The following SH3GLB1 variants were observed in gnomAD, a reference collection of about 807,000 sequenced individuals.
The protein encoded by SH3GLB1 is endophilin-B1.
In SH3GLB1, 17 loss-of-function variants were observed where a neutral mutation model predicts 42.0. The ratio of observed to expected loss-of-function variants is 0.40; its 90% CI spans 0.28 to 0.61. SH3GLB1 has a LOEUF of 0.61. Ranked by LOEUF, SH3GLB1 falls within the 20% of genes least tolerant of loss-of-function variation. The pLI is 0.36. For missense variants in SH3GLB1, 355 were observed against 426.3 expected (o/e 0.83, Z 1.47); for synonymous variants, 132 against 146.6 (o/e 0.90, Z 0.72).
In SH3GLB1 at chr1:86,717,409, T is replaced by TTTTTG. The variant is rs765459476; in HGVS notation, c.214+1568_214+1572dup. On this transcript the variant is annotated intron_variant, in intron 2 of 8. Coordinates refer to ENST00000370558, the MANE Select transcript of SH3GLB1 (RefSeq NM_016009.5). ...TTTGTTTTTTGTTTGTGCTGTGGTT[T>TTTTTG]TTTTGTTTTGTTTTGTTTTGTTTTG... 3.1e-3 allele frequency among the ~76,000 whole-genome samples: 473 copies of TTTTTG among 152,008 alleles called. 1 individual carries two copies. The highest frequency in any genetic ancestry group is 3.8e-3 in the African/African-American group (156 of 41,432).
At chr1:86,710,657 T>C (rs1225361547) in intron 1 of SH3GLB1, among the ~76,000 whole-genome samples, 1 of 152,246 alleles carries the variant, frequency 6.6e-6, no homozygotes, top group African/African-American at 2.4e-5. Flanking sequence ...GTTGCTTTGC[T>C]ACTATATTTA....
At chr1:86,733,914 A>AC (rs150303392) in intron 5 of SH3GLB1, among the ~76,000 whole-genome samples, 1 of 152,254 alleles carries the variant, frequency 6.6e-6, no homozygotes, top group African/African-American at 2.4e-5. Context: ...TTAACAGCAC[A>AC]CTACTGATTG....
intron 7 of SH3GLB1, among the ~76,000 whole-genome samples, chr1:86,737,710 A>C (rs572614024): frequency 1.3e-5 from 2 of 152,372 alleles, no homozygotes; most frequent in African/African-American, 4.8e-5. Flanking sequence ...TGGGGGCAGA[A>C]GGGAGCAGAA....
intron 7 of SH3GLB1, among the ~76,000 whole-genome samples, chr1:86,736,978 A>C (rs533684556): frequency 7.2e-5 from 11 of 152,342 alleles, no homozygotes; most frequent in African/African-American, 2.6e-4. Flanking sequence ...TTGCAATAAC[A>C]GTACCAACAG....
At chr1:86,708,853 A>C (rs1287683634) in intron 1 of SH3GLB1, among the ~76,000 whole-genome samples, 1 of 152,080 alleles carries the variant, frequency 6.6e-6, no homozygotes, top group African/African-American at 2.4e-5. Context: ...ATTCCAAATT[A>C]TTTTTTAATT....
intron 1 of SH3GLB1, among the ~76,000 whole-genome samples, chr1:86,708,198 A>G (rs1007989597): frequency 6.6e-6 from 1 of 152,232 alleles, no homozygotes; most frequent in Non-Finnish European, 1.5e-5. Flanking sequence ...CTGCTTTCTC[A>G]TCTCAGTATT....
chr1:86,722,318 C>T (rs1424153848), intron 3 of SH3GLB1, among the ~76,000 whole-genome samples: 1 of 152,044 alleles, frequency 6.6e-6, no homozygotes, highest in Admixed American at 6.6e-5. Context: ...ATTATCTATG[C>T]TACAATAGGA....
chr1:86,724,533 C>T lies in SH3GLB1; in HGVS notation c.570+128C>T, dbSNP rs139535685. 552 of 738,326 alleles carry T rather than the reference C, an allele frequency of 7.5e-4. 4 individuals carry two copies. In the African/African-American group the frequency reaches 9.0e-3, roughly 12 times the overall value. The allele number at this position is 738,326 out of a possible 1,614,324, so 45.7% of individuals were successfully genotyped here. A position where few individuals can be genotyped will look rare whatever the true frequency, so the allele number is the denominator to read the frequency against. On this transcript the variant is annotated intron_variant, in intron 5 of 8. Transcript: ENST00000370558. ...TTTTGTGCTTTCTAAACAAATTTAT[C>T]AGAACTTAATACATCCAAATCACTG...
chr1:86,710,673 A>C (rs1331639379), intron 1 of SH3GLB1, among the ~76,000 whole-genome samples: 1 of 152,220 alleles, frequency 6.6e-6, no homozygotes, highest in African/African-American at 2.4e-5. Flanking sequence ...ATTTAAAATG[A>C]TCAAACACCT....
intron 3 of SH3GLB1, among the ~76,000 whole-genome samples, chr1:86,720,133 T>A (rs961392213): frequency 6.6e-6 from 1 of 152,148 alleles, no homozygotes; most frequent in Non-Finnish European, 1.5e-5. Flanking sequence ...AAGCATATAT[T>A]TAGTTATTCA....
intron 2 of SH3GLB1, among the ~76,000 whole-genome samples, chr1:86,716,175 G>T (rs1051130721): frequency 1.3e-5 from 2 of 152,186 alleles, no homozygotes; most frequent in African/African-American, 2.4e-5. Flanking sequence ...ATCTAGGGAA[G>T]AATTGTCCCT....
intron 7 of SH3GLB1, among the ~76,000 whole-genome samples, chr1:86,741,807 GAATTA>G (rs1398101012): frequency 2.6e-5 from 4 of 152,062 alleles, no homozygotes; most frequent in Admixed American, 1.3e-4. Context: ...ATTTCTCAAA[GAATTA>G]AATTAAGAAA....
chr1:86,735,243 A>G, intron 7 of SH3GLB1, 64 bp downstream of exon 7: 1 of 1,051,718 alleles, frequency 9.5e-7, no homozygotes, highest in Non-Finnish European at 1.5e-6. Context: ...AACTAATACT[A>G]AGGATGAAGA....
intron 5 of SH3GLB1, among the ~76,000 whole-genome samples, chr1:86,733,091 C>CT (rs1655597135): frequency 6.6e-6 from 1 of 152,108 alleles, no homozygotes; most frequent in East Asian, 1.9e-4. Context: ...AACATTGCTT[C>CT]TTTTTTTCTT....
intron 7 of SH3GLB1, among the ~76,000 whole-genome samples, chr1:86,740,557 A>G (rs1656009490): frequency 6.6e-6 from 1 of 152,250 alleles, no homozygotes; most frequent in South Asian, 2.1e-4. Context: ...TGGTAGGATC[A>G]TAGACCCTGG....
intron 7 of SH3GLB1, among the ~76,000 whole-genome samples, chr1:86,736,971 CAA>C (rs1294477285): frequency 7.2e-5 from 11 of 152,302 alleles, no homozygotes; most frequent in African/African-American, 2.6e-4. Context: ...TTAATAGTTG[CAA>C]TAACAGTACC....
At chr1:86,719,678 T>G in intron 3 of SH3GLB1, 43 bp downstream of exon 3, 3 of 1,587,294 alleles carry the variant, frequency 1.9e-6, no homozygotes, top group Non-Finnish European at 2.6e-6. Context: ...TATCTTTATG[T>G]TTAGATTTAT....
At chr1:86,729,567 AAC>A (rs1412346717) in intron 5 of SH3GLB1, among the ~76,000 whole-genome samples, 1 of 152,146 alleles carries the variant, frequency 6.6e-6, no homozygotes, top group African/African-American at 2.4e-5. Flanking sequence ...CATAATTCTA[AAC>A]AATTAACAGG....
chr1:86,743,079 T>G, intron 8 of SH3GLB1, 49 bp from the exon 9 acceptor site: 1 of 1,408,298 alleles, frequency 7.1e-7, no homozygotes, highest in Non-Finnish European at 1.0e-6. Context: ...GTTTTCTACT[T>G]GTTTATTTTT....
Sources: gnomAD v4.1 joint callset for allele counts (sites outside exome capture counted in the v4.1 genomes callset) on GRCh38, gnomAD v4.1.1 for gene constraint, MANE v1.5 for transcripts, NCBI Gene and HGNC (gene_info 2026-07-23, HGNC 2026-07-21) for gene names.